The following SLC28A1 variants were observed in gnomAD, a reference collection of about 807,000 sequenced individuals.
The protein encoded by SLC28A1 is solute carrier family 28 member 1, also known as sodium/nucleoside cotransporter 1.
In SLC28A1, 64 loss-of-function variants were observed where a neutral mutation model predicts 74.8. That is an observed-to-expected ratio of 0.86 (90% CI 0.70 to 1.05). The LOEUF is 1.05. SLC28A1 is among the 50% of genes least tolerant of loss of function. The probability of loss-of-function intolerance (pLI) is 0.00; values close to 1 mark genes in which losing one functional copy is unlikely to be tolerated. For missense variants in SLC28A1, 828 were observed against 822.8 expected (o/e 1.01, Z -0.08); for synonymous variants, 359 against 335.0 (o/e 1.07, Z -0.78).
intron 9 of SLC28A1, among the ~76,000 whole-genome samples, chr15:84,917,751 T>C (rs982179310): frequency 2.6e-5 from 4 of 152,200 alleles, no homozygotes; most frequent in African/African-American, 4.8e-5. Flanking sequence ...TCCTAGGTGA[T>C]GAAACTAGTC....
intron 2 of SLC28A1, 109 bp downstream of exon 2, chr15:84,886,896 T>C: frequency 2.0e-6 from 1 of 495,016 alleles, no homozygotes; most frequent in Non-Finnish European, 2.6e-6. Context: ...CACGGGTCTC[T>C]GAGTATGTCA....
At chr15:84,968,375 G>A in the SLC28A1 span, among the ~76,000 whole-genome samples, 1 of 152,176 alleles carries the variant, frequency 6.6e-6, no homozygotes, top group Non-Finnish European at 1.5e-5. Context: ...GCCTGACTGG[G>A]GCTGGAAGAT....
chr15:84,944,724 G>C (rs749492240), intron 17 of SLC28A1, 32 bp from the exon 18 acceptor site: 4 of 1,453,380 alleles, frequency 2.8e-6, no homozygotes, highest in Non-Finnish European at 3.6e-6. Context: ...TAGCCCGGGG[G>C]CCCTGCCCCA....
chr15:84,890,459 G>T lies in SLC28A1; in HGVS notation c.202G>T (p.Ala68Ser). ...TGTTCCCAGGAGGAACCTGCAGCCA[G>T]CCCTGAGAGCCAGAAGCTTCTGCAG... ...PFSRWRNLQP[A>S]LRARSFCREH... The change falls in exon 5 of 19, where the codon GCC becomes TCC. Residue 68 changes from alanine to serine, a missense_variant. Transcript: ENST00000394573. 6.2e-7 allele frequency: 1 copy of T among 1,609,524 alleles called. No individual in the cohort carries two copies.
At chr15:84,912,573 C>T (rs192815688) in intron 9 of SLC28A1, among the ~76,000 whole-genome samples, 11 of 152,202 alleles carry the variant, frequency 7.2e-5, no homozygotes, top group African/African-American at 2.2e-4. Flanking sequence ...ACTTTCCACC[C>T]GCATGATCAT....
At chr15:84,902,931 T>G (rs1315131194) in intron 6 of SLC28A1, among the ~76,000 whole-genome samples, 1 of 152,172 alleles carries the variant, frequency 6.6e-6, no homozygotes, top group Non-Finnish European at 1.5e-5. Flanking sequence ...GGTTTCACCA[T>G]GGTGGCCAGG....
At chr15:84,934,902 A>G (rs1235669654) in intron 13 of SLC28A1, 124 bp from the exon 14 acceptor site, 2 of 849,356 alleles carry the variant, frequency 2.4e-6, no homozygotes, top group Non-Finnish European at 4.0e-6. Context: ...TCTGGGTCTC[A>G]GGGAAAATTA....
intron 15 of SLC28A1, among the ~76,000 whole-genome samples, chr15:84,937,898 A>AAAAAAC (rs71466064): frequency 8.0e-5 from 12 of 149,522 alleles, no homozygotes; most frequent in Admixed American, 7.4e-4. Flanking sequence ...CTCTGTCTCA[A>AAAAAAC]AAAACAAAAC....
intron 11 of SLC28A1, 107 bp downstream of exon 11, chr15:84,921,176 A>T: frequency 2.3e-6 from 2 of 854,646 alleles, no homozygotes; most frequent in South Asian, 2.8e-5. Flanking sequence ...GAGCCATTTG[A>T]ACCTTCTCCC....
the SLC28A1 span, among the ~76,000 whole-genome samples, chr15:84,965,666 G>A: frequency 6.6e-6 from 1 of 152,148 alleles, no homozygotes; most frequent in Non-Finnish European, 1.5e-5. Context: ...ACTTCTTCTA[G>A]GATGACCAAC....
At chr15:84,900,851 G>GT (rs1966598306) in intron 6 of SLC28A1, among the ~76,000 whole-genome samples, 3 of 149,476 alleles carry the variant, frequency 2.0e-5, no homozygotes, top group African/African-American at 7.4e-5. Flanking sequence ...AAGGGGAAAG[G>GT]GAAGGGGAAG....
the SLC28A1 span, among the ~76,000 whole-genome samples, chr15:84,951,330 G>T: frequency 6.6e-6 from 1 of 151,902 alleles, no homozygotes; most frequent in African/African-American, 2.4e-5. Context: ...CCAGCTGCTT[G>T]GGAGGCTGAG....
intron 6 of SLC28A1, among the ~76,000 whole-genome samples, chr15:84,900,422 A>AAAAAG (rs1966550898): frequency 1.6e-5 from 2 of 122,514 alleles, no homozygotes; most frequent in Non-Finnish European, 1.8e-5. Context: ...AAAAAAAAAA[A>AAAAAG]AAGAAGAAGA....
At chr15:84,906,556 CTTTCTTTCTCTTTCTTT>C (rs1567140338) in intron 8 of SLC28A1, among the ~76,000 whole-genome samples, 27 of 89,228 alleles carry the variant, frequency 3.0e-4, no homozygotes, top group East Asian at 2.9e-3. Flanking sequence ...TTCTTTCTTT[CTTTCTTTCTCTTTCTTT>C]CTTCCTTCCT....
At chr15:84,939,644 T>A (rs891466464) in intron 15 of SLC28A1, 8 of 152,188 alleles carry the variant, frequency 5.3e-5, no homozygotes, top group Admixed American at 2.6e-4. Context: ...CATGAATTTG[T>A]GCGTCATCCT....
In SLC28A1 at chr15:84,895,913, G is replaced by C. The variant is rs933977504; in HGVS notation, c.461+790G>C. 3 of 1,000,868 alleles carry C rather than the reference G, an allele frequency of 3.0e-6. No homozygotes were observed. The African/African-American group carries it at 5.2e-5, about 17-fold the overall frequency. 62.0% of individuals were successfully genotyped at this position (1,000,868 alleles called of 1,614,324 possible). A position where few individuals can be genotyped will look rare whatever the true frequency, so the allele number is the denominator to read the frequency against. ...CAGGGGTGCCTCTCACTTTCCCAAA[G>C]TGAGATCCACATACCACAGCAAAAT... On this transcript the variant is annotated intron_variant, in intron 6 of 18. Transcript: ENST00000394573.
chr15:84,931,785 C>T (rs141843497), intron 12 of SLC28A1, among the ~76,000 whole-genome samples: 3,929 of 151,734 alleles, frequency 0.026, 79 homozygotes, highest in African/African-American at 0.05. Context: ...GGGCAGATCA[C>T]GAGGTCAGGA....
At chr15:84,887,633 G>A (rs1281527977) in intron 2 of SLC28A1, 112 bp from the exon 3 acceptor site, 2 of 1,547,434 alleles carry the variant, frequency 1.3e-6, no homozygotes, top group East Asian at 2.4e-5. Context: ...GGCTCTGGCT[G>A]TGCCAGGCAT....
chr15:84,906,557 T>TC (rs1491349503), intron 8 of SLC28A1, among the ~76,000 whole-genome samples: 4 of 88,056 alleles, frequency 4.5e-5, no homozygotes, highest in African/African-American at 1.5e-4. Flanking sequence ...TCTTTCTTTC[T>TC]TTCTTTCTCT....
Sources: allele counts gnomAD v4.1 joint callset (sites outside exome capture counted in the v4.1 genomes callset), GRCh38; gene constraint gnomAD v4.1.1; transcripts MANE v1.5; gene names NCBI Gene and HGNC (gene_info 2026-07-23, HGNC 2026-07-21).